KHDRBS2: variants seen among roughly 807,000 people sequenced by gnomAD.
The protein encoded by KHDRBS2 is KH RNA binding domain containing, signal transduction associated 2.
KHDRBS2 carries 26 observed loss-of-function variants against 44.3 expected under a neutral mutation model. The observed-to-expected ratio is 0.59, with a 90% confidence interval of 0.43 to 0.81. The LOEUF (loss-of-function observed/expected upper bound fraction) is 0.81, where lower values mean the gene tolerates loss of function less well. Among genes scored for constraint, KHDRBS2 ranks in the 40% least tolerant of loss-of-function variants. The pLI is 0.00. For synonymous variants in KHDRBS2, 194 were observed against 151.1 expected (o/e 1.28, Z -2.08); for missense variants, 476 against 433.1 (o/e 1.10, Z -0.88).
At chr6:62,224,917 C>A (rs1183933198) in intron 1 of KHDRBS2, among the ~76,000 whole-genome samples, 1 of 152,194 alleles carries the variant, frequency 6.6e-6, no homozygotes, top group Non-Finnish European at 1.5e-5. Context: ...TAAAAACATA[C>A]TTCCTGTGGC....
In KHDRBS2 at chr6:62,238,687, T is replaced by TACAC. The variant is rs5876788; in HGVS notation, c.91+47167_91+47170dup. 5.5e-3 allele frequency among the ~76,000 whole-genome samples: 780 copies of TACAC among 141,994 alleles called. 7 individuals carry two copies. The highest frequency in any genetic ancestry group is 0.017 in the African/African-American group (631 of 37,052). The allele number at this position is 141,994 out of a possible 152,430, so 93.2% of individuals were successfully genotyped here. On this transcript the variant is annotated intron_variant, in intron 1 of 8. Transcript: ENST00000281156. ...GGATGAAAGGCTTTTAAGTTTTATA[T>TACAC]ACACACACACACACACACACACACA...
intron 1 of KHDRBS2, among the ~76,000 whole-genome samples, chr6:62,191,431 A>G (rs1353447680): frequency 6.6e-6 from 1 of 152,068 alleles, no homozygotes; most frequent in Non-Finnish European, 1.5e-5. Flanking sequence ...ATTTTGCATG[A>G]CTGCCCCATC....
At chr6:62,239,407 T>A (rs1333172552) in intron 1 of KHDRBS2, among the ~76,000 whole-genome samples, 1 of 152,036 alleles carries the variant, frequency 6.6e-6, no homozygotes, top group Non-Finnish European at 1.5e-5. Flanking sequence ...ACCCTGTCTC[T>A]GCTAAAAATA....
intron 4 of KHDRBS2, among the ~76,000 whole-genome samples, chr6:61,932,235 A>C (rs1810194455): frequency 6.6e-6 from 1 of 152,178 alleles, no homozygotes; most frequent in Non-Finnish European, 1.5e-5. Context: ...GGAATGGTTA[A>C]ATCTAGCTAA....
At chr6:62,083,050 A>G (rs1251072464) in intron 2 of KHDRBS2, among the ~76,000 whole-genome samples, 1 of 152,124 alleles carries the variant, frequency 6.6e-6, no homozygotes, top group Non-Finnish European at 1.5e-5. Context: ...TCAAGCCTGG[A>G]CCTGTGGCCT....
At chr6:61,595,329 T>A in the KHDRBS2 span, among the ~76,000 whole-genome samples, 1 of 152,114 alleles carries the variant, frequency 6.6e-6, no homozygotes, top group Non-Finnish European at 1.5e-5. Flanking sequence ...AAGTGTCCAT[T>A]AAGAGATGAA....
chr6:61,929,358 G>A (rs1809586045), intron 4 of KHDRBS2, among the ~76,000 whole-genome samples: 1 of 152,156 alleles, frequency 6.6e-6, no homozygotes, highest in African/African-American at 2.4e-5. Context: ...GTGTGATAGA[G>A]GCCAAAATTA....
chr6:61,623,863 A>C, the KHDRBS2 span, among the ~76,000 whole-genome samples: 1 of 152,296 alleles, frequency 6.6e-6, no homozygotes, highest in East Asian at 1.9e-4. Context: ...GTTGCATTAC[A>C]GTCACATTCA....
chr6:61,848,493 A>ATG lies in KHDRBS2; in HGVS notation c.810+46141_810+46142insCA, dbSNP rs1216768620. Among the ~76,000 whole-genome samples, 121 of 48,272 alleles carry ATG rather than the reference A, an allele frequency of 2.5e-3. 7 individuals carry two copies. Among genetic ancestry groups the ATG allele is most frequent in the African/African-American group, 0.014 (113 of 8,276 alleles). The allele number at this position is 48,272 out of a possible 152,430, so 31.7% of individuals were successfully genotyped here. A position where few individuals can be genotyped will look rare whatever the true frequency, so the allele number is the denominator to read the frequency against. On this transcript the variant is annotated intron_variant, in intron 6 of 8. Coordinates refer to ENST00000281156, the MANE Select transcript of KHDRBS2 (RefSeq NM_152688.4). The stretch of plus-strand genomic sequence containing the variant: ...TTTATATATATATATATATATATGT[A>ATG]TATATATATATATATATGTATATAT...
chr6:61,977,949 G>T, intron 4 of KHDRBS2, 117 bp downstream of exon 4: 1 of 857,782 alleles, frequency 1.2e-6, no homozygotes, highest in Non-Finnish European at 1.8e-6. Context: ...ATCGACCTGT[G>T]GATAGATCAT....
At position 61,689,507 on chromosome 6, in the gene KHDRBS2, G is replaced by T. The variant is rs536113618; in HGVS notation, c.952+7688C>A. Among the ~76,000 whole-genome samples the T allele has an allele frequency of 7.2e-5, 11 of 151,834 alleles. No homozygotes were observed. The South Asian group carries it at 2.3e-3, about 32-fold the overall frequency. ...GTTTGTGAAGTTTGGCCTATCTATG[G>T]GCATCCCCTTTGTCTCTTTGCTTGC... On this transcript the variant is annotated intron_variant, in intron 8 of 8. Transcript: ENST00000281156.
chr6:61,854,858 T>C (rs553939750), intron 6 of KHDRBS2, among the ~76,000 whole-genome samples: 5 of 152,154 alleles, frequency 3.3e-5, no homozygotes, highest in Non-Finnish European at 7.4e-5. Context: ...AATTGATGCA[T>C]ATGGTGCCTT....
the KHDRBS2 span, among the ~76,000 whole-genome samples, chr6:61,597,398 C>T: frequency 1.3e-5 from 2 of 152,000 alleles, no homozygotes; most frequent in East Asian, 3.9e-4. Context: ...CTCCTGACCC[C>T]TAGGGCTCTG....
chr6:62,223,651 C>A (rs1290601971), intron 1 of KHDRBS2, among the ~76,000 whole-genome samples: 2 of 152,170 alleles, frequency 1.3e-5, no homozygotes, highest in Non-Finnish European at 2.9e-5. Context: ...GCACCCAAGT[C>A]ACATCTTGAA....
chr6:61,892,273 C>A (rs1801988188), intron 6 of KHDRBS2, among the ~76,000 whole-genome samples: 1 of 152,154 alleles, frequency 6.6e-6, no homozygotes, highest in African/African-American at 2.4e-5. Context: ...AATGGAAGAA[C>A]ATTCCATGCT....
the KHDRBS2 span, chr6:61,659,090 T>C: frequency 6.6e-6 from 1 of 151,876 alleles, no homozygotes; most frequent in Non-Finnish European, 1.5e-5. Flanking sequence ...ACAGATGATC[T>C]CTCTAGCATA....
intron 7 of KHDRBS2, among the ~76,000 whole-genome samples, chr6:61,714,779 A>G (rs1771107176): frequency 6.6e-6 from 1 of 151,966 alleles, no homozygotes; most frequent in South Asian, 2.1e-4. Context: ...TACTATCTTA[A>G]GTGAAATAAC....
chr6:61,743,200 C>T (rs1776391233), intron 6 of KHDRBS2, among the ~76,000 whole-genome samples: 1 of 152,072 alleles, frequency 6.6e-6, no homozygotes, highest in South Asian at 2.1e-4. Context: ...ATATAACAAG[C>T]ATGCATTGGG....
chr6:61,545,087 A>G, the KHDRBS2 span, among the ~76,000 whole-genome samples: 1 of 152,076 alleles, frequency 6.6e-6, no homozygotes, highest in Non-Finnish European at 1.5e-5. Context: ...TAATAAAAAA[A>G]ATTTTAAAAA....
Sources: gnomAD v4.1 joint callset for allele counts (sites outside exome capture counted in the v4.1 genomes callset) on GRCh38, gnomAD v4.1.1 for gene constraint, MANE v1.5 for transcripts, NCBI Gene and HGNC (gene_info 2026-07-23, HGNC 2026-07-21) for gene names.